Variants in NAV2 observed in about 807,000 individuals in gnomAD.
NAV2 encodes helicase, APC down-regulated 1.
A neutral mutation model predicts 223.2 loss-of-function variants in NAV2; 54 were observed. The ratio of observed to expected loss-of-function variants is 0.24; its 90% CI spans 0.19 to 0.30. NAV2 has a LOEUF of 0.30. Ranked by LOEUF, NAV2 falls within the 10% of genes least tolerant of loss-of-function variation. The pLI is 1.00. For missense variants in NAV2, 2,806 were observed against 3,147.5 expected (o/e 0.89, Z 2.60); for synonymous variants, 1,279 against 1,239.3 (o/e 1.03, Z -0.67).
chr11:19,834,910 T>A lies in NAV2; in HGVS notation c.385+2309T>A, dbSNP rs142501213. Among the ~76,000 whole-genome samples the A allele has an allele frequency of 1.0e-3, 155 of 152,286 alleles. 3 individuals carry two copies. The highest frequency in any genetic ancestry group is 6.8e-3 in the Middle Eastern group (2 of 294). ...TTCAAGTTAGGTATCAAATATGACA[T>A]AAGTTTGAAATCTATGGCATGTTCC... On this transcript the variant is annotated intron_variant, in intron 2 of 37. Transcript: ENST00000349880.
At chr11:20,001,855 A>T (rs60152318) in intron 11 of NAV2, among the ~76,000 whole-genome samples, 219 of 145,432 alleles carry the variant, frequency 1.5e-3, no homozygotes, top group African/African-American at 5.4e-3. Context: ...AAAGTGTAAT[A>T]AAAAAAAAAA....
intron 1 of NAV2, among the ~76,000 whole-genome samples, chr11:19,425,592 GC>G (rs1045352565): frequency 1.3e-5 from 2 of 152,176 alleles, no homozygotes; most frequent in African/African-American, 4.8e-5. Context: ...ACGTGGTCCT[GC>G]CCCATTATGT....
chr11:19,380,310 C>T (rs774511890), intron 1 of NAV2, among the ~76,000 whole-genome samples: 1 of 152,192 alleles, frequency 6.6e-6, no homozygotes, highest in African/African-American at 2.4e-5. Flanking sequence ...CACTGCTGTT[C>T]CCTTGCATTA....
intron 1 of NAV2, among the ~76,000 whole-genome samples, chr11:19,687,780 CAT>C (rs2049064043): frequency 1.8e-4 from 1 of 5,710 alleles, no homozygotes; most frequent in African/African-American, 2.7e-4. Flanking sequence ...TGTGTGTATG[CAT>C]GCGTGTGTGT....
chr11:19,605,833 C>A (rs375178565), intron 1 of NAV2, among the ~76,000 whole-genome samples: 2 of 152,186 alleles, frequency 1.3e-5, no homozygotes, highest in Non-Finnish European at 2.9e-5. Flanking sequence ...AGGCCCCAGA[C>A]AGGATTTGGG....
chr11:19,966,291 C>T (rs2048764687), intron 10 of NAV2, among the ~76,000 whole-genome samples: 1 of 152,150 alleles, frequency 6.6e-6, no homozygotes, highest in South Asian at 2.1e-4. Flanking sequence ...ATCCCCATAC[C>T]ACCCAGTGTG....
chr11:19,672,949 C>T (rs562715965), intron 1 of NAV2, among the ~76,000 whole-genome samples: 2 of 152,264 alleles, frequency 1.3e-5, no homozygotes, highest in South Asian at 4.2e-4. Context: ...TTTGTTTGCT[C>T]CTGGCCTCTC....
chr11:19,529,082 C>T (rs886446548), intron 1 of NAV2, among the ~76,000 whole-genome samples: 3 of 152,034 alleles, frequency 2.0e-5, no homozygotes, highest in Admixed American at 2.0e-4. Flanking sequence ...ACACACACTC[C>T]AGGTCGGAAA....
At chr11:19,926,037 C>T (rs773137696) in intron 6 of NAV2, among the ~76,000 whole-genome samples, 19 of 151,964 alleles carry the variant, frequency 1.3e-4, no homozygotes, top group Non-Finnish European at 2.5e-4. Context: ...TGTTCTTTTT[C>T]AAGATTGTTT....
rs749674609 is a variant in NAV2, at chr11:20,120,936, C to A, written c.*2678C>A. 1 of 152,532 alleles carries A rather than the reference C, an allele frequency of 6.6e-6. No homozygotes were observed. Among genetic ancestry groups the A allele is most frequent in the Non-Finnish European group, 1.5e-5 (1 of 68,024 alleles). 9.4% of individuals were successfully genotyped at this position (152,532 alleles called of 1,614,324 possible). The stretch of plus-strand genomic sequence containing the variant: ...AGGCCAATTTTGAAATATATAAATT[C>A]TATGCAACATTTATGTTGAGTTACC... On this transcript the variant is annotated 3_prime_UTR_variant, in exon 38 of 38. Coordinates refer to ENST00000349880, the MANE Select transcript of NAV2 (RefSeq NM_145117.5).
At chr11:20,061,386 G>A (rs894553496) in intron 19 of NAV2, among the ~76,000 whole-genome samples, 32 of 131,666 alleles carry the variant, frequency 2.4e-4, no homozygotes, top group Admixed American at 2.3e-4. Flanking sequence ...CCTGACTAAC[G>A]TGGAGAAACC....
At chr11:19,602,709 G>A (rs952870642) in intron 1 of NAV2, among the ~76,000 whole-genome samples, 1 of 152,162 alleles carries the variant, frequency 6.6e-6, no homozygotes, top group Non-Finnish European at 1.5e-5. Flanking sequence ...GGCTGTGACA[G>A]CATCACTCCA....
chr11:19,729,952 G>C (rs2051605959), intron 1 of NAV2, among the ~76,000 whole-genome samples: 1 of 152,190 alleles, frequency 6.6e-6, no homozygotes, highest in Non-Finnish European at 1.5e-5. Flanking sequence ...CACATTCCAT[G>C]CTTACATGAT....
intron 3 of NAV2, among the ~76,000 whole-genome samples, chr11:19,851,026 T>G (rs1396855797): frequency 6.6e-6 from 1 of 152,222 alleles, no homozygotes; most frequent in African/African-American, 2.4e-5. Context: ...TCCACCATGC[T>G]TTTATTTAAC....
Position 20,054,197 on chromosome 11 carries a change from C to A in NAV2, c.4599C>A (p.Ser1533Arg), listed in dbSNP as rs746931999. The change falls in exon 18 of 38, where the codon AGC becomes AGA. Residue 1533 changes from serine to arginine, a missense_variant. Physicochemically the swap from Ser to Arg is moderately radical, Grantham distance 110. Around this residue, in one of 4 missense-constraint regions of NAV2, gnomAD observed 742 missense variants for 777.9 expected, o/e 0.95. Transcript: ENST00000349880. ...ATTCCCCCTTTTCCTCTGGCTCCAG[C>A]GTGACTTCTCCCTCCGGAACAAGAT... ...AANSPFSSGS[S>R]VTSPSGTRFN... 3 of 1,612,826 alleles carry A rather than the reference C, an allele frequency of 1.9e-6. No individual in the cohort carries two copies. The highest frequency in any genetic ancestry group is 2.5e-6 in the Non-Finnish European group (3 of 1,179,808).
At chr11:19,497,084 G>T (rs141427171) in intron 1 of NAV2, among the ~76,000 whole-genome samples, 204 of 152,308 alleles carry the variant, frequency 1.3e-3, no homozygotes, top group African/African-American at 4.8e-3. Context: ...CATCCCAGCA[G>T]GTACCCATTC....
chr11:19,994,670 G>A (rs2051694894), intron 11 of NAV2, among the ~76,000 whole-genome samples: 2 of 152,164 alleles, frequency 1.3e-5, no homozygotes, highest in African/African-American at 4.8e-5. Context: ...GGTGGCCTAT[G>A]GAAAAGGGTC....
intron 1 of NAV2, among the ~76,000 whole-genome samples, chr11:19,534,105 T>G (rs1453397151): frequency 6.6e-6 from 1 of 152,208 alleles, no homozygotes; most frequent in Non-Finnish European, 1.5e-5. Flanking sequence ...TTCATTTGGG[T>G]CTCCATTTTT....
chr11:19,480,490 G>C (rs530082349), intron 1 of NAV2, among the ~76,000 whole-genome samples: 21 of 152,292 alleles, frequency 1.4e-4, no homozygotes, highest in African/African-American at 5.1e-4. Flanking sequence ...CCCTTCTCCT[G>C]AGCGGTGGCG....
Sources: gnomAD v4.1 joint callset for allele counts (sites outside exome capture counted in the v4.1 genomes callset) on GRCh38, gnomAD v4.1.1 for gene constraint, gnomAD v4.1.1 regional missense constraint, MANE v1.5 for transcripts, NCBI Gene and HGNC (gene_info 2026-07-23, HGNC 2026-07-21) for gene names.